The following TGFBR2 variants were observed in gnomAD, a reference collection of about 807,000 sequenced individuals.
The protein encoded by TGFBR2 is transforming growth factor beta receptor 2.
In TGFBR2, 18 loss-of-function variants were observed where a neutral mutation model predicts 49.0. The ratio of observed to expected loss-of-function variants is 0.37; its 90% CI spans 0.25 to 0.54. TGFBR2 has a LOEUF of 0.54. TGFBR2 is among the 20% of genes least tolerant of loss of function. The pLI, the probability that TGFBR2 is intolerant of heterozygous loss-of-function variation, is 0.85. For synonymous variants in TGFBR2, 282 were observed against 275.9 expected, an observed-to-expected ratio of 1.02 and a Z score of -0.22; for missense variants, 525 against 722.6, an observed-to-expected ratio of 0.73 and a Z score of 3.13.
In TGFBR2 at chr3:30,606,814, A is replaced by AGCCAGGGGTCCGGGAAGGCGCC; in HGVS notation, c.-68_-47dup. The AGCCAGGGGTCCGGGAAGGCGCC allele has an allele frequency of 8.6e-7, 1 of 1,157,624 alleles. No homozygotes were observed. The highest frequency in any genetic ancestry group is 1.1e-6 in the Non-Finnish European group (1 of 892,194). 71.7% of individuals were successfully genotyped at this position (1,157,624 alleles called of 1,614,324 possible). ...CGGAGAGGGCGCGGCGCGGAGGCGC[A>AGCCAGGGGTCCGGGAAGGCGCC]GCCAGGGGTCCGGGAAGGCGCCGTC... On this transcript the variant is annotated 5_prime_UTR_variant, in exon 1 of 7. Coordinates refer to ENST00000295754, the MANE Select transcript of TGFBR2 (RefSeq NM_003242.6).
intron 4 of TGFBR2, 46 bp from the exon 5 acceptor site, chr3:30,674,059 G>A (rs1245981329): frequency 6.2e-7 from 1 of 1,613,726 alleles, no homozygotes; most frequent in African/African-American, 1.3e-5. Flanking sequence ...AAATAAAAAG[G>A]CAGCTGGAAT....
At position 30,665,357 on chromosome 3, in the gene TGFBR2, C is replaced by T. The variant is rs1699223615; in HGVS notation, c.455-6281C>T. On this transcript the variant is annotated intron_variant, in intron 3 of 6. Coordinates refer to ENST00000295754, the MANE Select transcript of TGFBR2 (RefSeq NM_003242.6). Reference sequence around the variant, plus strand: ...TAAGTAGACAAAAATGTTGTAGAAGCAACCAAGGTTCAGTATCCTCCTCTG... The same window carrying T: ...TAAGTAGACAAAAATGTTGTAGAAGTAACCAAGGTTCAGTATCCTCCTCTG... 1.3e-5 allele frequency among the ~76,000 whole-genome samples: 2 copies of T among 152,186 alleles called. 1 individual carries two copies. The highest frequency in any genetic ancestry group is 4.1e-4 in the South Asian group (2 of 4,834).
chr3:30,636,845 A>T (rs1698543251), intron 1 of TGFBR2, among the ~76,000 whole-genome samples: 1 of 152,008 alleles, frequency 6.6e-6, no homozygotes. Context: ...TGGGCAGATC[A>T]CGAGGTCAGG....
chr3:30,643,292 G>C (rs1276317477), intron 1 of TGFBR2, among the ~76,000 whole-genome samples: 1 of 152,104 alleles, frequency 6.6e-6, no homozygotes, highest in South Asian at 2.1e-4. Context: ...CACCCCATGC[G>C]GTCTAAGTGC....
chr3:30,615,224 C>G (rs957783991), intron 1 of TGFBR2, among the ~76,000 whole-genome samples: 2 of 152,136 alleles, frequency 1.3e-5, no homozygotes, highest in African/African-American at 4.8e-5. Flanking sequence ...ATGCCAGGCT[C>G]AGGTGGATTT....
At chr3:30,643,494 C>T (rs1043560030) in intron 1 of TGFBR2, among the ~76,000 whole-genome samples, 1 of 152,108 alleles carries the variant, frequency 6.6e-6, no homozygotes, top group Non-Finnish European at 1.5e-5. Context: ...CTGTATTTTG[C>T]AAAGAATAGT....
intron 1 of TGFBR2, among the ~76,000 whole-genome samples, chr3:30,616,308 C>T (rs73823637): frequency 0.011 from 1,682 of 152,284 alleles, 29 homozygotes; most frequent in African/African-American, 0.038. Context: ...TATTTTTCCT[C>T]CAGGTTTAGC....
At chr3:30,675,079 C>G (rs1419032860) in intron 5 of TGFBR2, among the ~76,000 whole-genome samples, 1 of 152,046 alleles carries the variant, frequency 6.6e-6, no homozygotes, top group African/African-American at 2.4e-5. Context: ...AAGTATTATC[C>G]CTTGTTGTCC....
At chr3:30,655,150 A>G (rs533443589) in intron 3 of TGFBR2, among the ~76,000 whole-genome samples, 3 of 152,316 alleles carry the variant, frequency 2.0e-5, no homozygotes, top group Admixed American at 6.5e-5. Flanking sequence ...AGTGCTTGCA[A>G]CGTTGCCTGA....
intron 3 of TGFBR2, among the ~76,000 whole-genome samples, chr3:30,651,848 T>C (rs747585647): frequency 1.5e-4 from 23 of 152,342 alleles, no homozygotes; most frequent in Non-Finnish European, 3.4e-4. Flanking sequence ...GATAAGTCTT[T>C]TAATTTTACC....
chr3:30,657,616 G>GCA (rs1380217754), intron 3 of TGFBR2, among the ~76,000 whole-genome samples: 1 of 152,170 alleles, frequency 6.6e-6, no homozygotes, highest in East Asian at 1.9e-4. Flanking sequence ...ACTTGGCACG[G>GCA]CACCTGGCAC....
intron 5 of TGFBR2, among the ~76,000 whole-genome samples, chr3:30,675,792 A>C (rs1460160127): frequency 6.6e-6 from 1 of 152,224 alleles, no homozygotes; most frequent in Non-Finnish European, 1.5e-5. Flanking sequence ...CCTGTTGTTA[A>C]TATCTAACCT....
chr3:30,686,284 G>T (rs3773660), intron 5 of TGFBR2, among the ~76,000 whole-genome samples: 5 of 152,050 alleles, frequency 3.3e-5, no homozygotes, highest in African/African-American at 1.2e-4. Flanking sequence ...TTGAAGATAA[G>T]GAATGAAAGA....
Position 30,672,486 on chromosome 3 carries a change from C to T in TGFBR2, c.1254+49C>T, listed in dbSNP as rs769942750. 14 of 1,583,146 alleles carry T rather than the reference C, an allele frequency of 8.8e-6. No individual in the cohort carries two copies. The highest frequency in any genetic ancestry group is 1.2e-5 in the Non-Finnish European group (14 of 1,152,170). The stretch of plus-strand genomic sequence containing the variant: ...CCCCTTTACCTTGAGCCTGGCCTCA[C>T]CCTACCTCTTGATCCATATCTCCTG... On this transcript the variant is annotated intron_variant, in intron 4 of 6. Coordinates refer to ENST00000295754, the MANE Select transcript of TGFBR2 (RefSeq NM_003242.6). The surrounding 1 kb of genome is among the most constrained non-coding windows in gnomAD (Gnocchi z 4.5).
At chr3:30,634,532 A>T (rs1292003200) in intron 1 of TGFBR2, among the ~76,000 whole-genome samples, 1 of 152,192 alleles carries the variant, frequency 6.6e-6, no homozygotes, top group Non-Finnish European at 1.5e-5. Context: ...GCTGTCAGAA[A>T]GCAGCACATT....
intron 3 of TGFBR2, 75 bp downstream of exon 3, chr3:30,650,535 T>A (rs2125411043): frequency 1.4e-6 from 2 of 1,460,256 alleles, no homozygotes; most frequent in Non-Finnish European, 1.9e-6. Context: ...TGCAGTGTCA[T>A]AGAGCACATT....
At chr3:30,630,852 C>G (rs1698423339) in intron 1 of TGFBR2, among the ~76,000 whole-genome samples, 2 of 152,078 alleles carry the variant, frequency 1.3e-5, no homozygotes, top group Non-Finnish European at 2.9e-5. Context: ...ATCTTGGAAG[C>G]AGGAAAGGGG....
At position 30,676,637 on chromosome 3, in the gene TGFBR2, C is replaced by G. The variant is rs1575160014; in HGVS notation, c.1396+2391C>G. ...TGGTCCAAACTACCCAACATTTTGC[C>G]CAAGGCAGATTCAGTTGGCACCACT... On this transcript the variant is annotated intron_variant, in intron 5 of 6. Coordinates refer to ENST00000295754, the MANE Select transcript of TGFBR2 (RefSeq NM_003242.6). The surrounding 1 kb of genome is among the most constrained non-coding windows in gnomAD (Gnocchi z 4.3). Among the ~76,000 whole-genome samples the G allele has an allele frequency of 6.6e-6, 1 of 152,162 alleles. No homozygotes were observed.
chr3:30,650,522 G>A, intron 3 of TGFBR2, 62 bp downstream of exon 3: 2 of 1,545,036 alleles, frequency 1.3e-6, no homozygotes, highest in Middle Eastern at 1.8e-4. Flanking sequence ...TGTATCCTTG[G>A]TCTGCAGTGT....
Sources: gnomAD v4.1 joint callset for allele counts (sites outside exome capture counted in the v4.1 genomes callset) on GRCh38, gnomAD v4.1.1 for gene constraint, Gnocchi (gnomAD v3.1) non-coding constraint, MANE v1.5 for transcripts, NCBI Gene and HGNC (gene_info 2026-07-23, HGNC 2026-07-21) for gene names.